The following DUSP22 variants were observed in gnomAD, a reference collection of about 807,000 sequenced individuals.
The protein encoded by DUSP22 is dual specificity phosphatase 22.
DUSP22 carries 24 observed loss-of-function variants against 24.5 expected under a neutral mutation model. That is an observed-to-expected ratio of 0.98 (90% CI 0.71 to 1.38). The LOEUF (loss-of-function observed/expected upper bound fraction) is 1.38, where lower values mean the gene tolerates loss of function less well. Among genes scored for constraint, DUSP22 ranks in the 40% most tolerant of loss-of-function variants. The probability of loss-of-function intolerance (pLI) is 0.00; values close to 1 mark genes in which losing one functional copy is unlikely to be tolerated. For missense variants in DUSP22, 330 were observed against 269.2 expected, an observed-to-expected ratio of 1.23 and a Z score of -1.58; for synonymous variants, 160 against 106.4, an observed-to-expected ratio of 1.50 and a Z score of -3.10.
At chr6:304,758 A>G in intron 2 of DUSP22, 97 bp downstream of exon 2, 1 of 1,527,080 alleles carries the variant, frequency 6.5e-7, no homozygotes, top group South Asian at 1.1e-5. Context: ...GGCTTTAAGT[A>G]ATTTGCATTG....
rs1431751551 is a variant in DUSP22, at chr6:350,817, C to T, written c.*1866C>T. ...TTTGTTGCCAGTAATGTTCTTTCTT[C>T]ACAGCCGCTCCGGGAATTCTGAAGT... is the stretch of plus-strand genomic sequence containing the variant. On this transcript the variant is annotated 3_prime_UTR_variant, in exon 7 of 7. Coordinates refer to ENST00000419235, the MANE Select transcript of DUSP22 (RefSeq NM_001286555.3). 1 of 1,614,278 alleles carries T rather than the reference C, an allele frequency of 6.2e-7. No homozygotes were observed. The highest frequency in any genetic ancestry group is 1.1e-5 in the South Asian group (1 of 91,090).
At chr6:340,974 C>A (rs1365061751) in intron 4 of DUSP22, among the ~76,000 whole-genome samples, 2 of 152,254 alleles carry the variant, frequency 1.3e-5, no homozygotes, top group South Asian at 2.1e-4. Context: ...TCGGTAGAGC[C>A]CATCTGGGCA....
At chr6:318,162 C>T (rs1265197368) in intron 3 of DUSP22, among the ~76,000 whole-genome samples, 2 of 152,308 alleles carry the variant, frequency 1.3e-5, no homozygotes, top group East Asian at 3.8e-4. Flanking sequence ...ATCCCCTGTG[C>T]AGCTCCTGTG....
chr6:294,691 A>G (rs1416990564), intron 1 of DUSP22, among the ~76,000 whole-genome samples: 1 of 152,296 alleles, frequency 6.6e-6, no homozygotes, highest in Admixed American at 6.5e-5. Flanking sequence ...CCTAAATCAC[A>G]TCTCATTTTG....
At chr6:304,305 C>T (rs2127393062) in intron 1 of DUSP22, among the ~76,000 whole-genome samples, 1 of 152,428 alleles carries the variant, frequency 6.6e-6, no homozygotes, top group South Asian at 2.1e-4. Context: ...TGCAGAGCTG[C>T]AGGGCCGCCA....
intron 1 of DUSP22, among the ~76,000 whole-genome samples, chr6:302,881 G>A (rs1444531043): frequency 6.6e-6 from 1 of 152,306 alleles, no homozygotes; most frequent in African/African-American, 2.4e-5. Context: ...GGGAGTGGGT[G>A]GAATACCACT....
chr6:349,114 G>A lies in DUSP22; in HGVS notation c.*163G>A. The A allele has an allele frequency of 6.9e-7, 1 of 1,444,802 alleles. No homozygotes were observed. Among genetic ancestry groups the A allele is most frequent in the Non-Finnish European group, 9.0e-7 (1 of 1,105,926 alleles). The allele number at this position is 1,444,802 out of a possible 1,614,324, so 89.5% of individuals were successfully genotyped here. A position where few individuals can be genotyped will look rare whatever the true frequency, so the allele number is the denominator to read the frequency against. On this transcript the variant is annotated 3_prime_UTR_variant, in exon 7 of 7. Coordinates refer to ENST00000419235, the MANE Select transcript of DUSP22 (RefSeq NM_001286555.3). The stretch of plus-strand genomic sequence containing the variant: ...GCAACACCGCCCAGCCCTGCTCCAG[G>A]CCCCTGCACTCCGCCCACCCCTACC...
Position 350,207 on chromosome 6 carries a change from T to C in DUSP22, c.*1256T>C, listed in dbSNP as rs894781725. ...ACCAAAGGGGAAGGTACCGATATCATTGAGCTATTTAAAGTTGCCAGTTTG... is the reference window on the plus strand; with the variant it reads ...ACCAAAGGGGAAGGTACCGATATCACTGAGCTATTTAAAGTTGCCAGTTTG... On this transcript the variant is annotated 3_prime_UTR_variant, in exon 7 of 7. Transcript: ENST00000419235. The C allele has an allele frequency of 3.7e-5, 37 of 987,464 alleles. No homozygotes were observed. The highest frequency in any genetic ancestry group is 4.2e-5 in the Non-Finnish European group (35 of 831,438). The allele number at this position is 987,464 out of a possible 1,614,324, so 61.2% of individuals were successfully genotyped here. A position where few individuals can be genotyped will look rare whatever the true frequency, so the allele number is the denominator to read the frequency against.
chr6:332,796 G>T (rs1759196216), intron 3 of DUSP22, among the ~76,000 whole-genome samples: 1 of 152,300 alleles, frequency 6.6e-6, no homozygotes, highest in Non-Finnish European at 1.5e-5. Flanking sequence ...TGACACTGAA[G>T]ATGGCACTAG....
chr6:345,955 C>T, intron 5 of DUSP22, 27 bp downstream of exon 5: 1 of 1,613,418 alleles, frequency 6.2e-7, no homozygotes, highest in Non-Finnish European at 8.5e-7. Context: ...CTTAATAGCG[C>T]CTTAGCGTAT....
chr6:293,373 C>A (rs1757183104), intron 1 of DUSP22, among the ~76,000 whole-genome samples: 1 of 152,294 alleles, frequency 6.6e-6, no homozygotes, highest in Non-Finnish European at 1.5e-5. Flanking sequence ...GATTTTGTTA[C>A]TTGGTACTTG....
At chr6:297,533 A>T (rs1757393814) in intron 1 of DUSP22, among the ~76,000 whole-genome samples, 1 of 152,306 alleles carries the variant, frequency 6.6e-6, no homozygotes, top group Non-Finnish European at 1.5e-5. Context: ...TACTTGTGAG[A>T]CTGCCATGTG....
At chr6:315,789 A>G (rs1047127520) in intron 3 of DUSP22, among the ~76,000 whole-genome samples, 53 of 152,400 alleles carry the variant, frequency 3.5e-4, no homozygotes, top group Admixed American at 1.5e-3. Flanking sequence ...AGCTCCTCCT[A>G]TGTTCCAGGT....
chr6:308,457 G>C (rs925758868), intron 2 of DUSP22, among the ~76,000 whole-genome samples: 1 of 152,182 alleles, frequency 6.6e-6, no homozygotes, highest in African/African-American at 2.4e-5. Flanking sequence ...TAAGTGGGCA[G>C]AGCCTGTGCC....
intron 5 of DUSP22, among the ~76,000 whole-genome samples, chr6:347,533 G>A (rs1759940555): frequency 6.6e-6 from 1 of 152,298 alleles, no homozygotes; most frequent in Non-Finnish European, 1.5e-5. Flanking sequence ...CTGCAAGGGT[G>A]CCTTGCTCCC....
chr6:305,229 C>T (rs1378540423), intron 2 of DUSP22, among the ~76,000 whole-genome samples: 1 of 152,286 alleles, frequency 6.6e-6, no homozygotes, highest in Non-Finnish European at 1.5e-5. Flanking sequence ...CCCCCACTTG[C>T]ACCCAAGCCC....
chr6:330,799 T>G (rs766079694), intron 3 of DUSP22, among the ~76,000 whole-genome samples: 3 of 152,308 alleles, frequency 2.0e-5, no homozygotes, highest in Non-Finnish European at 4.4e-5. Flanking sequence ...AAACCTTCAC[T>G]AGAAAGCTGT....
At chr6:339,132 G>T (rs1417418890) in intron 4 of DUSP22, among the ~76,000 whole-genome samples, 8 of 152,424 alleles carry the variant, frequency 5.2e-5, no homozygotes, top group East Asian at 1.9e-4. Context: ...GCATGATTTT[G>T]TCATGATTAG....
chr6:293,370 T>G (rs1757183029), intron 1 of DUSP22, among the ~76,000 whole-genome samples: 1 of 152,298 alleles, frequency 6.6e-6, no homozygotes, highest in Non-Finnish European at 1.5e-5. Flanking sequence ...AAGGATTTTG[T>G]TACTTGGTAC....
Sources: allele counts gnomAD v4.1 joint callset (sites outside exome capture counted in the v4.1 genomes callset), GRCh38; gene constraint gnomAD v4.1.1; transcripts MANE v1.5; gene names NCBI Gene and HGNC (gene_info 2026-07-23, HGNC 2026-07-21).